The following AGBL4 variants were observed in gnomAD, a reference collection of about 807,000 sequenced individuals.
AGBL4 encodes the protein cytosolic carboxypeptidase 6.
Under a neutral mutation model 66.4 loss-of-function variants are expected in AGBL4, and 58 were observed. The ratio of observed to expected loss-of-function variants is 0.87; its 90% CI spans 0.71 to 1.09. The LOEUF is 1.09. Among genes scored for constraint, AGBL4 ranks in the 50% least tolerant of loss-of-function variants. AGBL4 has a pLI of 0.00. For missense variants in AGBL4, 579 were observed against 631.0 expected, an observed-to-expected ratio of 0.92 and a Z score of 0.88; for synonymous variants, 234 against 222.9, an observed-to-expected ratio of 1.05 and a Z score of -0.44.
intron 3 of AGBL4, among the ~76,000 whole-genome samples, chr1:49,517,526 G>T (rs1352894691): frequency 6.6e-6 from 1 of 151,954 alleles, no homozygotes; most frequent in Non-Finnish European, 1.5e-5. Context: ...AAAGGAGAAT[G>T]AGGGTCATTT....
intron 5 of AGBL4, among the ~76,000 whole-genome samples, chr1:48,911,690 G>C (rs1337366799): frequency 6.6e-6 from 1 of 151,224 alleles, no homozygotes; most frequent in African/African-American, 2.4e-5. Flanking sequence ...GAGATTGCAT[G>C]ACAGATATTT....
intron 5 of AGBL4, among the ~76,000 whole-genome samples, chr1:48,955,855 T>C (rs1557498588): frequency 6.6e-6 from 1 of 152,236 alleles, no homozygotes; most frequent in Non-Finnish European, 1.5e-5. Flanking sequence ...GAATATGGTA[T>C]AACACAGGTG....
At chr1:49,887,795 T>C (rs1648224177) in intron 1 of AGBL4, among the ~76,000 whole-genome samples, 1 of 152,098 alleles carries the variant, frequency 6.6e-6, no homozygotes. Flanking sequence ...ACCGAACAAT[T>C]AGTTGTTGTT....
At chr1:49,997,786 A>T (rs966079261) in intron 1 of AGBL4, among the ~76,000 whole-genome samples, 1 of 152,204 alleles carries the variant, frequency 6.6e-6, no homozygotes, top group Admixed American at 6.5e-5. Context: ...ACATTATCCA[A>T]GATAGACCAT....
rs146945492 is a variant in AGBL4 at position 49,394,772 on chromosome 1, G to A, written c.283-148908C>T. ...ACCATTTTGTTTCAGAGATAAGTCC[G>A]CCTCAGCAGGGAGGATGGGCTAAGT... On this transcript the variant is annotated intron_variant, in intron 3 of 13. Transcript: ENST00000371839. 6.5e-3 allele frequency among the ~76,000 whole-genome samples: 990 copies of A among 152,180 alleles called. 16 individuals carry two copies. Among genetic ancestry groups the A allele is most frequent in the African/African-American group, 0.023 (957 of 41,526 alleles).
intron 4 of AGBL4, among the ~76,000 whole-genome samples, chr1:49,132,219 AC>A (rs1645912803): frequency 6.6e-6 from 1 of 152,022 alleles, no homozygotes; most frequent in Admixed American, 6.6e-5. Flanking sequence ...CAGGAATTAG[AC>A]TATCTCTTGG....
intron 3 of AGBL4, among the ~76,000 whole-genome samples, chr1:49,670,308 CA>C (rs570822830): frequency 1.3e-5 from 2 of 152,102 alleles, no homozygotes; most frequent in South Asian, 4.1e-4. Flanking sequence ...CAAAATGAAA[CA>C]AAAAAACAGC....
intron 1 of AGBL4, among the ~76,000 whole-genome samples, chr1:49,948,111 AATGTATGTAAAT>A (rs1557608441): frequency 8.4e-5 from 7 of 83,336 alleles, no homozygotes; most frequent in South Asian, 9.0e-4. Flanking sequence ...TATATATGTA[AATGTATGTAAAT>A]ATATATAAAT....
intron 2 of AGBL4, among the ~76,000 whole-genome samples, chr1:49,750,344 A>G (rs563810620): frequency 1.3e-5 from 2 of 152,282 alleles, no homozygotes; most frequent in African/African-American, 4.8e-5. Flanking sequence ...ACCATTTATT[A>G]AATAATCATT....
chr1:48,705,124 G>A (rs372434740), intron 6 of AGBL4, among the ~76,000 whole-genome samples: 5 of 152,050 alleles, frequency 3.3e-5, no homozygotes, highest in African/African-American at 1.2e-4. Context: ...TGTGGCACAC[G>A]ACTATAACTG....
chr1:48,846,695 G>C (rs2148803350), intron 6 of AGBL4, among the ~76,000 whole-genome samples: 1 of 152,284 alleles, frequency 6.6e-6, no homozygotes, highest in South Asian at 2.1e-4. Context: ...GCAGATATAA[G>C]GGAATAGTGA....
chr1:49,629,017 T>C (rs560252013), intron 3 of AGBL4, among the ~76,000 whole-genome samples: 3 of 152,262 alleles, frequency 2.0e-5, no homozygotes, highest in Admixed American at 6.5e-5. Flanking sequence ...AGGGCCAAAT[T>C]GGAGAATAAA....
chr1:49,505,396 G>T (rs1297296753), intron 3 of AGBL4, among the ~76,000 whole-genome samples: 2 of 151,114 alleles, frequency 1.3e-5, no homozygotes, highest in African/African-American at 2.4e-5. Flanking sequence ...ACTCCCTTTA[G>T]CATTTCTTAC....
At chr1:49,848,793 C>T (rs1432153961) in intron 2 of AGBL4, among the ~76,000 whole-genome samples, 1 of 151,956 alleles carries the variant, frequency 6.6e-6, no homozygotes, top group Non-Finnish European at 1.5e-5. Flanking sequence ...GTGTTTGTAC[C>T]CCTTAAATTT....
intron 3 of AGBL4, among the ~76,000 whole-genome samples, chr1:49,565,827 C>G (rs1287490405): frequency 6.6e-6 from 1 of 152,124 alleles, no homozygotes; most frequent in Non-Finnish European, 1.5e-5. Flanking sequence ...CTCTGTATTT[C>G]CTGAATTTGA....
At chr1:49,231,487 G>A (rs1184782660) in intron 4 of AGBL4, among the ~76,000 whole-genome samples, 1 of 152,170 alleles carries the variant, frequency 6.6e-6, no homozygotes, top group African/African-American at 2.4e-5. Flanking sequence ...GTTAGCAGCA[G>A]ATCATAGGGT....
At chr1:49,462,168 A>C (rs1646528200) in intron 3 of AGBL4, among the ~76,000 whole-genome samples, 1 of 151,766 alleles carries the variant, frequency 6.6e-6, no homozygotes, top group Non-Finnish European at 1.5e-5. Context: ...TTTCCAGTTC[A>C]AACATTCAAT....
intron 4 of AGBL4, among the ~76,000 whole-genome samples, chr1:49,204,819 A>G (rs1648003240): frequency 6.6e-6 from 1 of 152,140 alleles, no homozygotes; most frequent in Admixed American, 6.6e-5. Flanking sequence ...AACATGTCAC[A>G]GTATTTGATG....
chr1:48,709,430 A>T lies in AGBL4; in HGVS notation c.635-46189T>A, dbSNP rs912318533. 5.3e-5 allele frequency among the ~76,000 whole-genome samples: 8 copies of T among 152,070 alleles called. No homozygotes were observed. The East Asian group carries it at 1.5e-3, about 29-fold the overall frequency. On this transcript the variant is annotated intron_variant, in intron 6 of 13. Transcript: ENST00000371839. ...CCTACACACCGAATAGAAAACCAAAAACACATACACTAATCTAAATAGTTA... is the reference window on the plus strand; with the variant it reads ...CCTACACACCGAATAGAAAACCAAATACACATACACTAATCTAAATAGTTA...
Sources: allele counts gnomAD v4.1 joint callset (sites outside exome capture counted in the v4.1 genomes callset), GRCh38; gene constraint gnomAD v4.1.1; transcripts MANE v1.5; gene names NCBI Gene and HGNC (gene_info 2026-07-23, HGNC 2026-07-21).